Variants in ZBTB7C observed in about 807,000 individuals in gnomAD.
ZBTB7C encodes zinc finger and BTB domain-containing protein 7C.
Under a neutral mutation model 25.7 loss-of-function variants are expected in ZBTB7C, and 8 were observed. The observed-to-expected ratio is 0.31, with a 90% CI of 0.18 to 0.56. The LOEUF (loss-of-function observed/expected upper bound fraction) is 0.56, where lower values mean the gene tolerates loss of function less well. ZBTB7C is among the 20% of genes least tolerant of loss of function. ZBTB7C has a pLI of 0.91. For synonymous variants in ZBTB7C, 394 were observed against 369.0 expected, an observed-to-expected ratio of 1.07 and a Z score of -0.78; for missense variants, 824 against 855.2, an observed-to-expected ratio of 0.96 and a Z score of 0.46.
chr18:48,250,280 C>A (rs2043810616), intron 2 of ZBTB7C, among the ~76,000 whole-genome samples: 1 of 152,128 alleles, frequency 6.6e-6, no homozygotes, highest in South Asian at 2.1e-4. Flanking sequence ...ACAGATTCAC[C>A]CACCTTCCTT....
chr18:48,184,536 A>G (rs1420636638), intron 3 of ZBTB7C, among the ~76,000 whole-genome samples: 1 of 152,172 alleles, frequency 6.6e-6, no homozygotes, highest in African/African-American at 2.4e-5. Context: ...TTGCTCATCC[A>G]ATGTGAATAC....
chr18:48,032,040 G>C (rs2035772907), intron 4 of ZBTB7C, among the ~76,000 whole-genome samples: 1 of 152,214 alleles, frequency 6.6e-6, no homozygotes, highest in Non-Finnish European at 1.5e-5. Flanking sequence ...GCTCAGCTCA[G>C]AATCAGCTAA....
At chr18:48,050,761 C>T (rs1390228824) in intron 3 of ZBTB7C, among the ~76,000 whole-genome samples, 1 of 152,140 alleles carries the variant, frequency 6.6e-6, no homozygotes, top group Non-Finnish European at 1.5e-5. Context: ...GCCCCTACAT[C>T]TAAGGTCTGA....
At chr18:48,245,846 T>C (rs928513342) in intron 2 of ZBTB7C, among the ~76,000 whole-genome samples, 13 of 152,244 alleles carry the variant, frequency 8.5e-5, no homozygotes, top group Admixed American at 2.6e-4. Flanking sequence ...CCTGATGTAT[T>C]TGAAAGGATT....
chr18:48,145,358 T>C (rs780644222), intron 3 of ZBTB7C, among the ~76,000 whole-genome samples: 2 of 152,162 alleles, frequency 1.3e-5, no homozygotes, highest in African/African-American at 2.4e-5. Flanking sequence ...CCCTTCAGCA[T>C]GTCTCCTTTG....
chr18:48,267,713 G>T (rs1193194694), intron 2 of ZBTB7C, among the ~76,000 whole-genome samples: 4 of 152,180 alleles, frequency 2.6e-5, no homozygotes, highest in African/African-American at 9.7e-5. Context: ...TGAGGGTGGA[G>T]CCCTCCTGAA....
chr18:48,210,432 G>A (rs777041113), intron 2 of ZBTB7C, among the ~76,000 whole-genome samples: 3 of 152,092 alleles, frequency 2.0e-5, no homozygotes, highest in Non-Finnish European at 4.4e-5. Flanking sequence ...ATGAATGAAC[G>A]AATGAATAAA....
chr18:48,306,388 T>C (rs2045674644), intron 2 of ZBTB7C, among the ~76,000 whole-genome samples: 1 of 152,214 alleles, frequency 6.6e-6, no homozygotes, highest in South Asian at 2.1e-4. Flanking sequence ...ATACACAACA[T>C]CAAATTTACC....
intron 3 of ZBTB7C, among the ~76,000 whole-genome samples, chr18:48,154,557 C>T (rs1025081517): frequency 1.3e-5 from 2 of 152,190 alleles, no homozygotes; most frequent in African/African-American, 4.8e-5. Flanking sequence ...CTTAACAGTC[C>T]CTTTGGGTCT....
intron 1 of ZBTB7C, among the ~76,000 whole-genome samples, chr18:48,363,867 A>G (rs2047167140): frequency 6.6e-6 from 1 of 151,944 alleles, no homozygotes; most frequent in African/African-American, 2.4e-5. Flanking sequence ...ACCAACACAA[A>G]GCACATCTGT....
At chr18:48,188,544 G>C (rs554550892) in intron 2 of ZBTB7C, among the ~76,000 whole-genome samples, 20 of 152,288 alleles carry the variant, frequency 1.3e-4, no homozygotes, top group Non-Finnish European at 2.5e-4. Context: ...GATGAGATTT[G>C]GGTGGGGACA....
chr18:48,392,712 G>T (rs2047930224), intron 1 of ZBTB7C, among the ~76,000 whole-genome samples: 1 of 152,208 alleles, frequency 6.6e-6, no homozygotes, highest in South Asian at 2.1e-4. Flanking sequence ...TACTAAGATT[G>T]CTCTGGGCAG....
chr18:48,206,700 C>A (rs1160065276), intron 2 of ZBTB7C, among the ~76,000 whole-genome samples: 2 of 152,118 alleles, frequency 1.3e-5, no homozygotes, highest in Non-Finnish European at 2.9e-5. Flanking sequence ...CTGCTTTCCA[C>A]TGAAGTAATT....
At chr18:48,065,617 A>G (rs145200449) in intron 3 of ZBTB7C, among the ~76,000 whole-genome samples, 3 of 152,284 alleles carry the variant, frequency 2.0e-5, no homozygotes, top group Non-Finnish European at 4.4e-5. Context: ...TGGGCTGTTC[A>G]GCTGACAAGA....
intron 3 of ZBTB7C, among the ~76,000 whole-genome samples, chr18:48,163,728 T>A (rs892468374): frequency 6.6e-6 from 1 of 152,144 alleles, no homozygotes; most frequent in East Asian, 1.9e-4. Flanking sequence ...TTAGTTTCAT[T>A]AAGAGGGACA....
chr18:48,315,105 C>A (rs1213903831), intron 2 of ZBTB7C, among the ~76,000 whole-genome samples: 1 of 152,160 alleles, frequency 6.6e-6, no homozygotes, highest in Non-Finnish European at 1.5e-5. Flanking sequence ...AGAGTTGGGA[C>A]AAAATGTGTG....
intron 3 of ZBTB7C, among the ~76,000 whole-genome samples, chr18:48,166,919 G>A (rs1238934003): frequency 6.6e-6 from 1 of 152,212 alleles, no homozygotes; most frequent in Middle Eastern, 3.4e-3. Context: ...TCTTGAGGCT[G>A]TTTCCCCACT....
chr18:48,399,076 G>T (rs561829293), intron 1 of ZBTB7C, among the ~76,000 whole-genome samples: 31 of 152,218 alleles, frequency 2.0e-4, no homozygotes, highest in Non-Finnish European at 4.0e-4. Context: ...ATAATTGTCA[G>T]ACAGTCAGAT....
chr18:48,103,348 G>C (rs1259131102), intron 3 of ZBTB7C, among the ~76,000 whole-genome samples: 1 of 152,030 alleles, frequency 6.6e-6, no homozygotes, highest in African/African-American at 2.4e-5. Flanking sequence ...TCAATTGAGA[G>C]AAAAGAAGGC....
Sources: gnomAD v4.1 joint callset for allele counts (sites outside exome capture counted in the v4.1 genomes callset) on GRCh38, gnomAD v4.1.1 for gene constraint, MANE v1.5 for transcripts, NCBI Gene and HGNC (gene_info 2026-07-23, HGNC 2026-07-21) for gene names.